The following ABCA13 variants were observed in gnomAD, a reference collection of about 807,000 sequenced individuals.
ABCA13 encodes the protein ATP-binding cassette sub-family A member 13.
ABCA13 carries 476 observed loss-of-function variants against 478.7 expected under a neutral mutation model. The observed-to-expected ratio is 0.99, with a 90% CI of 0.92 to 1.07. The LOEUF is 1.07. Among genes scored for constraint, ABCA13 ranks in the 50% least tolerant of loss-of-function variants. The pLI is 0.00. For missense variants in ABCA13, 6,060 were observed against 5,910.6 expected, an observed-to-expected ratio of 1.03 and a Z score of -0.83; for synonymous variants, 2,252 against 2,158.9, an observed-to-expected ratio of 1.04 and a Z score of -1.20.
chr7:48,409,845 C>T (rs1818744962), intron 39 of ABCA13, among the ~76,000 whole-genome samples: 1 of 150,064 alleles, frequency 6.7e-6, no homozygotes, highest in African/African-American at 2.5e-5. Flanking sequence ...TTTGGGTGGC[C>T]GAGGTGGGTG....
At chr7:48,581,867 T>C (rs946717087) in intron 56 of ABCA13, among the ~76,000 whole-genome samples, 8 of 152,234 alleles carry the variant, frequency 5.3e-5, no homozygotes, top group African/African-American at 1.9e-4. Context: ...GCTCCTTTTC[T>C]GGAAACAAAT....
intron 37 of ABCA13, 149 bp from the exon 38 acceptor site, chr7:48,391,772 A>G: frequency 1.5e-6 from 1 of 682,424 alleles, no homozygotes; most frequent in South Asian, 1.9e-5. Flanking sequence ...CAAACTACTC[A>G]CACCTTTTAA....
intron 3 of ABCA13, among the ~76,000 whole-genome samples, chr7:48,218,316 G>A (rs918772611): frequency 1.3e-5 from 2 of 152,124 alleles, no homozygotes; most frequent in Non-Finnish European, 2.9e-5. Context: ...TTAATATGAG[G>A]CCTCAGTAGA....
At chr7:48,641,682 C>T (rs948709655) in intron 59 of ABCA13, among the ~76,000 whole-genome samples, 61 of 152,302 alleles carry the variant, frequency 4.0e-4, no homozygotes, top group African/African-American at 1.3e-3. Flanking sequence ...CCATGCAACA[C>T]ATCCCCTCTG....
intron 2 of ABCA13, among the ~76,000 whole-genome samples, chr7:48,196,286 A>C (rs1340378108): frequency 2.0e-5 from 3 of 152,134 alleles, no homozygotes; most frequent in Admixed American, 6.5e-5. Context: ...CAGTCCAACA[A>C]AGATGTGGCC....
intron 38 of ABCA13, among the ~76,000 whole-genome samples, chr7:48,397,329 A>T (rs1816973008): frequency 6.6e-6 from 1 of 152,180 alleles, no homozygotes; most frequent in Non-Finnish European, 1.5e-5. Flanking sequence ...CCTCAGTTTT[A>T]GGGAGCACAG....
chr7:48,322,070 C>T (rs1803564933), intron 27 of ABCA13, among the ~76,000 whole-genome samples: 1 of 152,232 alleles, frequency 6.6e-6, no homozygotes, highest in African/African-American at 2.4e-5. Flanking sequence ...TGGGTAAAAA[C>T]TGGATCAGCT....
At chr7:48,628,228 G>A (rs1793849188) in intron 59 of ABCA13, among the ~76,000 whole-genome samples, 1 of 151,986 alleles carries the variant, frequency 6.6e-6, no homozygotes, top group Non-Finnish European at 1.5e-5. Flanking sequence ...ACACCTGGAT[G>A]TTAGCTGACA....
At chr7:48,543,725 A>T (rs1414751583) in intron 55 of ABCA13, among the ~76,000 whole-genome samples, 1 of 151,966 alleles carries the variant, frequency 6.6e-6, no homozygotes, top group East Asian at 1.9e-4. Context: ...AATAGTTGCC[A>T]TCATTAATAT....
intron 55 of ABCA13, among the ~76,000 whole-genome samples, chr7:48,575,637 C>A (rs1788094964): frequency 6.6e-6 from 1 of 152,066 alleles, no homozygotes; most frequent in African/African-American, 2.4e-5. Flanking sequence ...TGGAGAGATA[C>A]ATTTAAAATT....
intron 38 of ABCA13, among the ~76,000 whole-genome samples, chr7:48,400,146 G>A (rs1281857615): frequency 1.3e-5 from 2 of 151,972 alleles, no homozygotes; most frequent in African/African-American, 4.8e-5. Context: ...TGGAGTCAGA[G>A]GGAATCCCTA....
chr7:48,407,280 C>G (rs891988521), intron 39 of ABCA13, among the ~76,000 whole-genome samples: 2 of 151,858 alleles, frequency 1.3e-5, no homozygotes, highest in East Asian at 3.9e-4. Flanking sequence ...TCGAGACCAG[C>G]CTGACCAACA....
chr7:48,501,773 G>T (rs1041595429), intron 48 of ABCA13, among the ~76,000 whole-genome samples: 10 of 152,170 alleles, frequency 6.6e-5, no homozygotes, highest in Non-Finnish European at 7.3e-5. Flanking sequence ...TGCTGTCATA[G>T]TTGAGGTTTT....
chr7:48,308,310 G>C (rs1801213784), intron 23 of ABCA13, among the ~76,000 whole-genome samples: 2 of 152,130 alleles, frequency 1.3e-5, no homozygotes, highest in South Asian at 2.1e-4. Context: ...CCTTCTTCTG[G>C]ATACCTCCTG....
intron 44 of ABCA13, among the ~76,000 whole-genome samples, chr7:48,470,760 C>T (rs888366950): frequency 6.6e-6 from 1 of 152,158 alleles, no homozygotes; most frequent in African/African-American, 2.4e-5. Flanking sequence ...GCTGGGATCT[C>T]GACAGCTGCT....
chr7:48,410,614 C>A lies in ABCA13; in HGVS notation c.12165C>A (p.Cys4055Ter). The A allele has an allele frequency of 6.2e-7, 1 of 1,614,026 alleles. No homozygotes were observed. The highest frequency in any genetic ancestry group is 8.5e-7 in the Non-Finnish European group (1 of 1,179,894). ...TCCAGCATGGGAGGCTCAGGTGCTG[C>A]GGTCCTCCCTTCTGCCTGAAGGAGG... The part of the protein sequence containing the change: ...AVLQHGRLRC[C>*]GPPFCLKEAY... Residue 4055 changes from cysteine to a stop codon, truncating the protein, a stop_gained, in exon 40 of 62, where the codon TGC (cysteine) becomes TGA (stop). Transcript: ENST00000435803. LOFTEE classifies it high-confidence loss of function.
chr7:48,189,116 T>A (rs891526608), intron 1 of ABCA13, among the ~76,000 whole-genome samples: 2 of 152,162 alleles, frequency 1.3e-5, no homozygotes, highest in African/African-American at 4.8e-5. Flanking sequence ...GAAGTGCCAG[T>A]TTCTGCTTCT....
intron 58 of ABCA13, among the ~76,000 whole-genome samples, chr7:48,602,869 G>T (rs1237613466): frequency 1.3e-5 from 2 of 152,022 alleles, no homozygotes; most frequent in Admixed American, 6.6e-5. Context: ...AGCATGGAAT[G>T]TTTTTTTCAC....
chr7:48,353,572 C>T (rs1318998192), intron 31 of ABCA13, among the ~76,000 whole-genome samples: 1 of 151,412 alleles, frequency 6.6e-6, no homozygotes, highest in African/African-American at 2.4e-5. Flanking sequence ...CATGGACCAC[C>T]AAGCAGAAGT....
Sources: allele counts gnomAD v4.1 joint callset (sites outside exome capture counted in the v4.1 genomes callset), GRCh38; gene constraint gnomAD v4.1.1; transcripts MANE v1.5; gene names NCBI Gene and HGNC (gene_info 2026-07-23, HGNC 2026-07-21).